Variants in CLSTN1 observed in about 807,000 individuals in gnomAD.
CLSTN1 encodes the protein calsyntenin 1.
Under a neutral mutation model 108.3 loss-of-function variants are expected in CLSTN1, and 28 were observed. That is an observed-to-expected ratio of 0.26 (90% CI 0.19 to 0.35). The LOEUF is 0.35. CLSTN1 is among the 10% of genes least tolerant of loss of function. The pLI, the probability that CLSTN1 is intolerant of heterozygous loss-of-function variation, is 1.00. For synonymous variants in CLSTN1, 524 were observed against 534.9 expected, an observed-to-expected ratio of 0.98 and a Z score of 0.28; for missense variants, 1,157 against 1,302.6, an observed-to-expected ratio of 0.89 and a Z score of 1.72.
In CLSTN1 at chr1:9,776,524, T is replaced by TA. The variant is rs76354703; in HGVS notation, c.92-3131dup. On this transcript the variant is annotated intron_variant, in intron 1 of 18. Coordinates refer to ENST00000377298, the MANE Select transcript of CLSTN1 (RefSeq NM_001009566.3). ...GGAAAATTTTGCTGTAGTTTACATT[T>TA]AAAAAAAAAAATCCACATACACACA... 0.011 allele frequency among the ~76,000 whole-genome samples: 1,692 copies of TA among 148,594 alleles called. 150 individuals carry two copies. In the East Asian group the frequency reaches 0.22, roughly 20 times the overall value.
At chr1:9,731,720 G>T (rs1650406576) in intron 17 of CLSTN1, 41 bp downstream of exon 17, 1 of 1,609,934 alleles carries the variant, frequency 6.2e-7, no homozygotes, top group African/African-American at 1.3e-5. Flanking sequence ...AGGGCGGACG[G>T]CATGGAGCAT....
chr1:9,731,631 T>C (rs1650399911), intron 17 of CLSTN1, 130 bp downstream of exon 17: 6 of 1,000,068 alleles, frequency 6.0e-6, no homozygotes, highest in Non-Finnish European at 9.2e-6. Flanking sequence ...TTTCCTTGTG[T>C]GTGATGGGGA....
intron 2 of CLSTN1, among the ~76,000 whole-genome samples, chr1:9,771,420 C>A (rs569024918): frequency 4.0e-3 from 610 of 152,246 alleles, no homozygotes; most frequent in South Asian, 8.9e-3. Flanking sequence ...TCAAGACCAG[C>A]CTGGCCAATA....
At chr1:9,806,878 C>CA (rs1419152788) in intron 1 of CLSTN1, among the ~76,000 whole-genome samples, 1 of 151,514 alleles carries the variant, frequency 6.6e-6, no homozygotes. Context: ...GATTCCGTCT[C>CA]AAAAAAATAA....
chr1:9,791,576 G>A (rs1329610492), intron 1 of CLSTN1, among the ~76,000 whole-genome samples: 1 of 150,118 alleles, frequency 6.7e-6, no homozygotes, highest in Non-Finnish European at 1.5e-5. Context: ...CTGCCACCCA[G>A]GCTGAAGCGC....
intron 9 of CLSTN1, 142 bp downstream of exon 9, chr1:9,743,742 G>T: frequency 1.2e-6 from 1 of 866,710 alleles, no homozygotes; most frequent in Non-Finnish European, 1.7e-6. Context: ...TTTTTTGTAG[G>T]GACAGGATCT....
intron 2 of CLSTN1, among the ~76,000 whole-genome samples, chr1:9,761,572 C>T (rs1476362845): frequency 6.6e-6 from 1 of 151,978 alleles, no homozygotes; most frequent in Non-Finnish European, 1.5e-5. Context: ...TGGATGAACC[C>T]AACAAAGTAT....
intron 1 of CLSTN1, among the ~76,000 whole-genome samples, chr1:9,787,696 T>A (rs1021922737): frequency 6.6e-6 from 1 of 151,214 alleles, no homozygotes; most frequent in Non-Finnish European, 1.5e-5. Flanking sequence ...GCCTTCTAAT[T>A]TTTCCTCCAA....
At chr1:9,746,608 G>A (rs1343216027) in intron 7 of CLSTN1, among the ~76,000 whole-genome samples, 1 of 152,114 alleles carries the variant, frequency 6.6e-6, no homozygotes, top group East Asian at 1.9e-4. Flanking sequence ...CAGCTACTTG[G>A]GAGGCTGAGG....
chr1:9,736,950 G>A (rs1298723465), intron 11 of CLSTN1, among the ~76,000 whole-genome samples: 1 of 152,084 alleles, frequency 6.6e-6, no homozygotes, highest in East Asian at 1.9e-4. Context: ...GTGCATGCCT[G>A]TAGTCCCAGC....
intron 1 of CLSTN1, among the ~76,000 whole-genome samples, chr1:9,780,064 A>G (rs56113472): frequency 0.021 from 3,199 of 152,156 alleles, 51 homozygotes; most frequent in Middle Eastern, 0.037. Flanking sequence ...CATGTTGGCC[A>G]GGCTGGTCTC....
rs925628642 is a variant in CLSTN1, at chr1:9,808,352, G to A, written c.91+15291C>T. Among the ~76,000 whole-genome samples the A allele has an allele frequency of 9.1e-4, 138 of 152,280 alleles. 1 individual carries two copies. The highest frequency in any genetic ancestry group is 2.9e-3 in the African/African-American group (121 of 41,566). ...AGCGTGAACGCATGTGCATGCATGCGCTGGAATTTACTGCCAATCTACCCA... is the reference window on the plus strand; with the variant it reads ...AGCGTGAACGCATGTGCATGCATGCACTGGAATTTACTGCCAATCTACCCA... On this transcript the variant is annotated intron_variant, in intron 1 of 18. Coordinates refer to ENST00000377298, the MANE Select transcript of CLSTN1 (RefSeq NM_001009566.3).
chr1:9,755,350 T>A (rs200704012), intron 3 of CLSTN1, 41 bp from the exon 4 acceptor site: 2 of 1,529,396 alleles, frequency 1.3e-6, no homozygotes, highest in East Asian at 2.3e-5. Context: ...TCCTACCACA[T>A]AGATCTTCTG....
chr1:9,807,014 G>T (rs532250499), intron 1 of CLSTN1, among the ~76,000 whole-genome samples: 3 of 151,944 alleles, frequency 2.0e-5, no homozygotes, highest in South Asian at 4.2e-4. Flanking sequence ...AAGGGCGTGG[G>T]GGGGGGTCTG....
At chr1:9,758,011 G>A (rs187238433) in intron 2 of CLSTN1, among the ~76,000 whole-genome samples, 1 of 151,776 alleles carries the variant, frequency 6.6e-6, no homozygotes, top group Non-Finnish European at 1.5e-5. Flanking sequence ...TTTTGGGGGG[G>A]GGTGGGAACG....
In CLSTN1 at chr1:9,752,472, T is replaced by C. The variant is rs547079444; in HGVS notation, c.441-791A>G. On this transcript the variant is annotated intron_variant, in intron 4 of 18. Transcript: ENST00000377298. ...GGGGCACTGCACCTTCTGCTCACCA[T>C]GAGCCTCCTCATCCCAGTGCCATCG... Among the ~76,000 whole-genome samples, 189 of 152,330 alleles carry C rather than the reference T, an allele frequency of 1.2e-3. 6 individuals carry two copies. The highest frequency in any genetic ancestry group is 0.012 in the Admixed American group (186 of 15,288).
chr1:9,776,465 T>C (rs1652946518), intron 1 of CLSTN1, among the ~76,000 whole-genome samples: 1 of 152,152 alleles, frequency 6.6e-6, no homozygotes, highest in African/African-American at 2.4e-5. Context: ...ATGTACTTGA[T>C]GCTACTGAAC....
At chr1:9,799,307 G>A (rs1182564125) in intron 1 of CLSTN1, among the ~76,000 whole-genome samples, 2 of 152,100 alleles carry the variant, frequency 1.3e-5, no homozygotes, top group African/African-American at 2.4e-5. Context: ...AGCTGTAATC[G>A]ACAAACTGCT....
At chr1:9,775,574 C>T (rs375877587) in intron 1 of CLSTN1, among the ~76,000 whole-genome samples, 1 of 152,040 alleles carries the variant, frequency 6.6e-6, no homozygotes, top group Non-Finnish European at 1.5e-5. Flanking sequence ...TATCTCCACA[C>T]GCACACTGGG....
Sources: gnomAD v4.1 joint callset for allele counts (sites outside exome capture counted in the v4.1 genomes callset) on GRCh38, gnomAD v4.1.1 for gene constraint, MANE v1.5 for transcripts, NCBI Gene and HGNC (gene_info 2026-07-23, HGNC 2026-07-21) for gene names.